Variants in PRKCE observed in about 807,000 individuals in gnomAD.
The protein encoded by PRKCE is protein kinase C epsilon type.
A neutral mutation model predicts 85.4 loss-of-function variants in PRKCE; 16 were observed. That is an observed-to-expected ratio of 0.19 (90% confidence interval 0.13 to 0.28). The LOEUF (loss-of-function observed/expected upper bound fraction) is 0.28, where lower values mean the gene tolerates loss of function less well. PRKCE is among the 10% of genes least tolerant of loss of function. The pLI is 1.00. For missense variants in PRKCE, 573 were observed against 975.2 expected (o/e 0.59, Z 5.49); for synonymous variants, 388 against 371.5 (o/e 1.04, Z -0.51).
At chr2:46,045,803 T>A (rs1033753289) in intron 10 of PRKCE, among the ~76,000 whole-genome samples, 1 of 152,038 alleles carries the variant, frequency 6.6e-6, no homozygotes, top group Non-Finnish European at 1.5e-5. Context: ...CATTTCAGCC[T>A]GGGAGGCAGT....
intron 2 of PRKCE, among the ~76,000 whole-genome samples, chr2:45,889,306 G>C (rs1026668104): frequency 1.1e-4 from 17 of 152,118 alleles, no homozygotes. Flanking sequence ...TTGCAGCCAG[G>C]ACAGCAAAGC....
intron 1 of PRKCE, among the ~76,000 whole-genome samples, chr2:45,770,227 C>A (rs1007885022): frequency 6.6e-6 from 1 of 152,138 alleles, no homozygotes. Flanking sequence ...TGCTGCTCTG[C>A]CCTAGGGTCA....
rs1489040292 is a variant in PRKCE, at chr2:45,884,980, TATATATATATATATATATATA to T, written c.412+41918_412+41938del. Among the ~76,000 whole-genome samples the T allele has an allele frequency of 8.9e-4, 59 of 66,478 alleles. 3 individuals carry two copies. Among genetic ancestry groups the T allele is most frequent in the East Asian group, 2.7e-3 (1 of 370 alleles). The allele number at this position is 66,478 out of a possible 152,430, so 43.6% of individuals were successfully genotyped here. A position where few individuals can be genotyped will look rare whatever the true frequency, so the allele number is the denominator to read the frequency against. The stretch of plus-strand genomic sequence containing the variant: ...ATATATATATATATATATATATATA[TATATATATATATATATATATA>T]TTTGTTGTTGTTGTTGTTGTTTTAC... On this transcript the variant is annotated intron_variant, in intron 2 of 14. Transcript: ENST00000306156.
In PRKCE at chr2:45,905,003, G is replaced by A. The variant is rs193284157; in HGVS notation, c.412+61940G>A. ...CTTTGTTGACCATTGTACAGACAGC[G>A]ACAGGGGCTCCACATCACTTCAGCA... is the stretch of plus-strand genomic sequence containing the variant. On this transcript the variant is annotated intron_variant, in intron 2 of 14. Coordinates refer to ENST00000306156, the MANE Select transcript of PRKCE (RefSeq NM_005400.3). This position sits in a 1 kb window ranked among gnomAD's most constrained non-coding sequence, Gnocchi z 4.4. Among the ~76,000 whole-genome samples the A allele has an allele frequency of 2.0e-4, 30 of 152,332 alleles. No individual in the cohort carries two copies. In the East Asian group the frequency reaches 2.7e-3, roughly 14 times the overall value.
intron 2 of PRKCE, among the ~76,000 whole-genome samples, chr2:45,963,525 T>G (rs1250678182): frequency 2.0e-5 from 3 of 152,184 alleles, no homozygotes; most frequent in Non-Finnish European, 4.4e-5. Context: ...GCCAGGCTGG[T>G]CTAGAACTCC....
chr2:46,137,749 C>G (rs1239963215), intron 11 of PRKCE, among the ~76,000 whole-genome samples: 1 of 150,946 alleles, frequency 6.6e-6, no homozygotes, highest in Admixed American at 6.6e-5. Context: ...CAGAGTGAGA[C>G]CCTGTCTCAA....
Position 46,187,980 on chromosome 2 carries a change from G to T in PRKCE, c.*3099G>T, listed in dbSNP as rs563948212. On this transcript the variant is annotated 3_prime_UTR_variant, in exon 15 of 15. Coordinates refer to ENST00000306156, the MANE Select transcript of PRKCE (RefSeq NM_005400.3). Reference sequence around the variant, plus strand: ...TTCAGAACCTAATAAATACAATGACGTTAAGTCTTATTTTCAGTGCCAATA... The same window carrying T: ...TTCAGAACCTAATAAATACAATGACTTTAAGTCTTATTTTCAGTGCCAATA... 2.0e-5 allele frequency: 3 copies of T among 152,608 alleles called. No homozygotes were observed. The East Asian group carries it at 5.8e-4, about 29-fold the overall frequency. 9.5% of individuals were successfully genotyped at this position (152,608 alleles called of 1,614,324 possible). A position where few individuals can be genotyped will look rare whatever the true frequency, so the allele number is the denominator to read the frequency against.
At chr2:45,737,385 C>T (rs561956197) in intron 1 of PRKCE, among the ~76,000 whole-genome samples, 2 of 152,328 alleles carry the variant, frequency 1.3e-5, no homozygotes, top group East Asian at 3.9e-4. Flanking sequence ...CCTGCCAGTC[C>T]TGGAACACGC....
intron 2 of PRKCE, among the ~76,000 whole-genome samples, chr2:45,944,655 ATTTTTTTTT>A (rs71394861): frequency 0.15 from 11,408 of 75,604 alleles, 626 homozygotes; most frequent in Admixed American, 0.34. Flanking sequence ...TACCCGGCTA[ATTTTTTTTT>A]TTTTTTTTTT....
At chr2:45,728,989 C>A (rs537562370) in intron 1 of PRKCE, among the ~76,000 whole-genome samples, 1 of 152,274 alleles carries the variant, frequency 6.6e-6, no homozygotes, top group East Asian at 1.9e-4. Flanking sequence ...GAGGCTGCCT[C>A]TATTCCCACT....
chr2:46,023,453 A>G (rs578255851), intron 10 of PRKCE, among the ~76,000 whole-genome samples: 2 of 152,352 alleles, frequency 1.3e-5, no homozygotes, highest in South Asian at 4.1e-4. Context: ...CAGCTAGAAG[A>G]TGAATGCTTT....
intron 1 of PRKCE, among the ~76,000 whole-genome samples, chr2:45,687,273 G>A (rs144653085): frequency 6.6e-6 from 1 of 151,700 alleles, no homozygotes; most frequent in Non-Finnish European, 1.5e-5. Flanking sequence ...AGTAAGAAAA[G>A]ATCAATAACA....
chr2:46,153,105 T>G (rs537059530), intron 13 of PRKCE, among the ~76,000 whole-genome samples: 159 of 152,302 alleles, frequency 1.0e-3, no homozygotes, highest in African/African-American at 3.7e-3. Flanking sequence ...CTAGGCATGG[T>G]GCTAGATGCT....
chr2:45,747,648 A>G (rs1476492749), intron 1 of PRKCE, among the ~76,000 whole-genome samples: 1 of 152,226 alleles, frequency 6.6e-6, no homozygotes, highest in African/African-American at 2.4e-5. Flanking sequence ...TGGCTATTGA[A>G]TAATGATGCA....
At chr2:46,136,668 T>C (rs13410378) in intron 11 of PRKCE, among the ~76,000 whole-genome samples, 57,794 of 152,052 alleles carry the variant, frequency 0.38, 13,599 homozygotes, top group East Asian at 0.79. Context: ...TCCTGAGAAG[T>C]TGAAGGGTCT....
At chr2:46,086,430 G>T in intron 11 of PRKCE, 68 bp downstream of exon 11, 1 of 1,535,356 alleles carries the variant, frequency 6.5e-7, no homozygotes, top group South Asian at 1.2e-5. Flanking sequence ...CACTTGAACT[G>T]ACTTCAGCTC....
chr2:45,732,528 A>G (rs1013201860), intron 1 of PRKCE, among the ~76,000 whole-genome samples: 1 of 152,128 alleles, frequency 6.6e-6, no homozygotes, highest in Non-Finnish European at 1.5e-5. Context: ...TCAGTCTATA[A>G]TATATATTAT....
chr2:45,946,988 C>T (rs1314237819), intron 2 of PRKCE, among the ~76,000 whole-genome samples: 2 of 152,230 alleles, frequency 1.3e-5, no homozygotes, highest in Non-Finnish European at 2.9e-5. Context: ...AGCTTCTCAT[C>T]TTTCAGCACC....
chr2:45,748,283 G>A (rs1683292990), intron 1 of PRKCE, among the ~76,000 whole-genome samples: 2 of 152,226 alleles, frequency 1.3e-5, no homozygotes, highest in African/African-American at 2.4e-5. Flanking sequence ...AGGAAATTGA[G>A]GCTCAGAGAA....
Sources: gnomAD v4.1 joint callset for allele counts (sites outside exome capture counted in the v4.1 genomes callset) on GRCh38, gnomAD v4.1.1 for gene constraint, Gnocchi (gnomAD v3.1) non-coding constraint, MANE v1.5 for transcripts, NCBI Gene and HGNC (gene_info 2026-07-23, HGNC 2026-07-21) for gene names.